The following NPHP1 variants were observed in gnomAD, a reference collection of about 807,000 sequenced individuals.
The protein encoded by NPHP1 is nephrocystin 1, also known as nephrocystin-1.
In NPHP1, 70 loss-of-function variants were observed where a neutral mutation model predicts 90.4. The observed-to-expected ratio is 0.77, with a 90% CI of 0.64 to 0.95. The LOEUF (loss-of-function observed/expected upper bound fraction) is 0.95. Among genes scored for constraint, NPHP1 ranks in the 40% least tolerant of loss-of-function variants. The pLI, the probability that NPHP1 is intolerant of heterozygous loss-of-function variation, is 0.00. For missense variants in NPHP1, 764 were observed against 795.9 expected (o/e 0.96, Z 0.48); for synonymous variants, 256 against 271.7 (o/e 0.94, Z 0.57).
chr2:110,125,274 A>C (rs952816944), intron 19 of NPHP1: 33 of 1,535,950 alleles, frequency 2.1e-5, no homozygotes, highest in Non-Finnish European at 2.8e-5. Context: ...TATATGGTAC[A>C]GCTCAGGCCA....
At chr2:110,178,809 A>AC (rs1683686368) in intron 3 of NPHP1, 1 of 367,328 alleles carries the variant, frequency 2.7e-6, no homozygotes, top group Non-Finnish European at 4.9e-6. Flanking sequence ...TTCCATAGTC[A>AC]GTAAGAGATA....
At position 110,164,661 on chromosome 2, in the gene NPHP1, A is replaced by G. The variant is rs1185665746; in HGVS notation, c.771+27T>C. 28 of 1,614,062 alleles carry G rather than the reference A, an allele frequency of 1.7e-5. No individual in the cohort carries two copies. The highest frequency in any genetic ancestry group is 4.5e-5 in the East Asian group (2 of 44,868). On this transcript the variant is annotated intron_variant, in intron 8 of 19. Transcript: ENST00000445609. ...GAACTATTAGGTAGCAAAACGAGAC[A>G]TGATTAACAAGACAGAAGATGCCCG...
intron 14 of NPHP1, among the ~76,000 whole-genome samples, chr2:110,145,279 A>C (rs1381056306): frequency 6.6e-6 from 1 of 152,112 alleles, no homozygotes; most frequent in African/African-American, 2.4e-5. Context: ...TTCTGGGAAC[A>C]GTTTTGCTTT....
At chr2:110,144,415 A>G (rs1249222510) in intron 15 of NPHP1, 78 bp downstream of exon 15, 2 of 906,986 alleles carry the variant, frequency 2.2e-6, no homozygotes, top group South Asian at 1.4e-5. Context: ...CGCTATGCTT[A>G]TTAGAATGTA....
At position 110,178,458 on chromosome 2, in the gene NPHP1, G is replaced by T; in HGVS notation, c.294C>A (p.Gly98=). ...TTTCTCTGCTTATTGTCACAGCAAG[G>T]CCCTGCAGTTGTTGGGTAAGCTTGT... The part of the protein sequence containing the change: ...LLDKLTQQLQ[G]LAVTISRENI... The change falls in exon 4 of 20, where the codon GGC becomes GGA. Residue 98 remains glycine, a synonymous_variant. Transcript: ENST00000445609. 1 of 1,613,846 alleles carries T rather than the reference G, an allele frequency of 6.2e-7. No individual in the cohort carries two copies. Among genetic ancestry groups the T allele is most frequent in the Non-Finnish European group, 8.5e-7 (1 of 1,179,828 alleles).
intron 10 of NPHP1, among the ~76,000 whole-genome samples, chr2:110,160,661 T>C (rs1232001205): frequency 6.6e-6 from 1 of 152,178 alleles, no homozygotes; most frequent in Non-Finnish European, 1.5e-5. Flanking sequence ...TATTTTTTAT[T>C]CCAAGCAATT....
At chr2:110,162,761 G>T (rs903466258) in intron 9 of NPHP1, among the ~76,000 whole-genome samples, 2 of 152,018 alleles carry the variant, frequency 1.3e-5, no homozygotes, top group African/African-American at 4.8e-5. Flanking sequence ...ACCAGTGTGG[G>T]GAAGGTGGGC....
chr2:110,146,704 T>A (rs1238936865), intron 14 of NPHP1, 49 bp downstream of exon 14: 1 of 1,379,120 alleles, frequency 7.3e-7, no homozygotes, highest in South Asian at 1.2e-5. Context: ...GTCTAAAAAA[T>A]GAATTTTTAC....
chr2:110,175,977 CTTCTATTA>C, intron 4 of NPHP1, among the ~76,000 whole-genome samples: 1 of 152,032 alleles, frequency 6.6e-6, no homozygotes, highest in East Asian at 1.9e-4. Context: ...TGTATCCAAT[CTTCTATTA>C]AACCACTCAG....
At chr2:110,194,531 A>G (rs1312370232) in intron 2 of NPHP1, among the ~76,000 whole-genome samples, 5 of 152,128 alleles carry the variant, frequency 3.3e-5, no homozygotes, top group Non-Finnish European at 7.3e-5. Flanking sequence ...TACCAACCAA[A>G]AAAAGTCCAG....
intron 11 of NPHP1, among the ~76,000 whole-genome samples, chr2:110,156,630 C>A (rs1681910490): frequency 6.6e-6 from 1 of 152,054 alleles, no homozygotes; most frequent in Non-Finnish European, 1.5e-5. Context: ...CAGGTAGTTG[C>A]TTTTTACTTT....
At chr2:110,151,908 C>A (rs1489016578) in intron 11 of NPHP1, among the ~76,000 whole-genome samples, 5 of 152,068 alleles carry the variant, frequency 3.3e-5, no homozygotes, top group African/African-American at 9.7e-5. Context: ...TTTGGAGAAT[C>A]CTAATTTTGA....
chr2:110,162,561 C>T (rs977162329), intron 9 of NPHP1, among the ~76,000 whole-genome samples: 4 of 151,914 alleles, frequency 2.6e-5, no homozygotes, highest in African/African-American at 9.7e-5. Context: ...ACAAAAGTTG[C>T]CAAATACAGG....
intron 19 of NPHP1, chr2:110,124,626 C>A: frequency 5.5e-6 from 1 of 181,206 alleles, no homozygotes; most frequent in Non-Finnish European, 1.2e-5. Context: ...ATGTCAAGCC[C>A]CGATGCCCAC....
At chr2:110,136,138 ACT>A (rs1680180498) in intron 16 of NPHP1, among the ~76,000 whole-genome samples, 1 of 152,032 alleles carries the variant, frequency 6.6e-6, no homozygotes, top group Non-Finnish European at 1.5e-5. Context: ...CATGCTAAAA[ACT>A]CTCAATAAAT....
At chr2:110,158,483 T>C (rs1219505117) in intron 11 of NPHP1, among the ~76,000 whole-genome samples, 2 of 152,082 alleles carry the variant, frequency 1.3e-5, no homozygotes, top group East Asian at 1.9e-4. Flanking sequence ...ATTTCTTGTG[T>C]GTTAAATTTC....
chr2:110,173,473 A>G (rs1318424149), intron 4 of NPHP1, among the ~76,000 whole-genome samples: 2 of 152,178 alleles, frequency 1.3e-5, no homozygotes, highest in Non-Finnish European at 2.9e-5. Context: ...TGTGCTGCAC[A>G]ACAATGTTTC....
At chr2:110,127,936 T>C (rs1395166555) in intron 18 of NPHP1, 9 of 152,098 alleles carry the variant, frequency 5.9e-5, no homozygotes, top group Non-Finnish European at 1.3e-4. Flanking sequence ...GTATATATGT[T>C]CTGTGTAATG....
chr2:110,161,644 G>C lies in NPHP1; in HGVS notation c.913C>G (p.Leu305Val), dbSNP rs748446911. 6.2e-7 allele frequency: 1 copy of C among 1,613,272 alleles called. No individual in the cohort carries two copies. The change falls in exon 10 of 20, where the codon CTG becomes GTG. Residue 305 changes from leucine (L) to valine (V), a missense_variant. Physicochemically the swap from Leu to Val is conservative, Grantham distance 32. Coordinates refer to ENST00000445609, the MANE Select transcript of NPHP1 (RefSeq NM_001128178.3). The part of the protein sequence containing the change: ...FLQPELMPSQ[L>V]AFRDLMWDAT... ...TCCCACATCAGATCTCTGAAGGCCA[G>C]TTGTGAAGGCATGAGCTCTGGTTGT...
Sources: allele counts gnomAD v4.1 joint callset (sites outside exome capture counted in the v4.1 genomes callset), GRCh38; gene constraint gnomAD v4.1.1; transcripts MANE v1.5; gene names NCBI Gene and HGNC (gene_info 2026-07-23, HGNC 2026-07-21).